Variants in RPL30 observed in about 807,000 individuals in gnomAD.
RPL30 encodes the protein ribosomal protein L30, also known as large ribosomal subunit protein eL30.
For missense variants in RPL30, 60 were observed against 138.0 expected (o/e 0.43, Z 2.83); for synonymous variants, 40 against 50.4 (o/e 0.79, Z 0.87).
rs1239593188 is a variant in RPL30, at chr8:98,045,237, C to G, written c.21+110G>C. ...GGCCACTGGGATTCCTTCTGGGGCC[C>G]TCCAAATGCCAGCAGGCATGCTGTC... On this transcript the variant is annotated intron_variant, in intron 2 of 4. Coordinates refer to ENST00000287038, the MANE Select transcript of RPL30 (RefSeq NM_000989.4). The G allele has an allele frequency of 4.5e-6, 7 of 1,567,018 alleles. No homozygotes were observed. The South Asian group carries it at 5.6e-5, about 13-fold the overall frequency.
intron 3 of RPL30, chr8:98,044,573 T>C (rs1048415710): frequency 1.6e-5 from 3 of 187,282 alleles, no homozygotes; most frequent in Non-Finnish European, 3.3e-5. Context: ...ACCTAGTTTT[T>C]TGACACTAAA....
chr8:98,045,318 G>A (rs1814456364), intron 2 of RPL30, 29 bp downstream of exon 2: 12 of 1,614,026 alleles, frequency 7.4e-6, no homozygotes, highest in Non-Finnish European at 1.0e-5. Context: ...CACGTGAATC[G>A]TCTTCCGGGC....
At chr8:98,044,556 T>G (rs894588522) in intron 3 of RPL30, 2 of 179,726 alleles carry the variant, frequency 1.1e-5, no homozygotes, top group African/African-American at 4.7e-5. Context: ...CAGCCTCAAC[T>G]TTTCTTACCT....
chr8:98,044,444 T>TA (rs1328264659), intron 3 of RPL30: 1 of 155,030 alleles, frequency 6.5e-6, no homozygotes, highest in Non-Finnish European at 1.4e-5. Context: ...CAACACCCCC[T>TA]AAGTTCAATT....
At chr8:98,042,883 G>A in intron 3 of RPL30, 108 bp from the exon 4 acceptor site, 2 of 1,034,912 alleles carry the variant, frequency 1.9e-6, no homozygotes, top group East Asian at 2.6e-5. Flanking sequence ...CCTTCAAAAA[G>A]TAACAAAATC....
In RPL30 at chr8:98,045,535, A is replaced by G; in HGVS notation, c.-60T>C. 1.5e-6 allele frequency: 1 copy of G among 660,860 alleles called. No individual in the cohort carries two copies. 40.9% of individuals were successfully genotyped at this position (660,860 alleles called of 1,614,324 possible). A position where few individuals can be genotyped will look rare whatever the true frequency, so the allele number is the denominator to read the frequency against. ...ACAGCAGCCGCTAAGATGGCCGGGGAACGAGAAAGGAAAGACTTCCCACAA... is the reference window on the plus strand; with the variant it reads ...ACAGCAGCCGCTAAGATGGCCGGGGGACGAGAAAGGAAAGACTTCCCACAA... On this transcript the variant is annotated 5_prime_UTR_variant, in exon 1 of 5. Coordinates refer to ENST00000287038, the MANE Select transcript of RPL30 (RefSeq NM_000989.4).
intron 4 of RPL30, chr8:98,042,275 CTTTT>C: frequency 2.2e-6 from 1 of 455,538 alleles, no homozygotes; most frequent in South Asian, 1.8e-5. Context: ...TTTTTTGGCA[CTTTT>C]TTTTTTCTCA....
chr8:98,045,119 G>A (rs781218949), intron 2 of RPL30, 31 bp from the exon 3 acceptor site: 4 of 1,600,442 alleles, frequency 2.5e-6, no homozygotes, highest in Admixed American at 3.5e-5. Flanking sequence ...ACGGACCTAA[G>A]GGCCTCGCCT....
At chr8:98,043,688 A>C (rs1234279326) in intron 3 of RPL30, 3 of 151,908 alleles carry the variant, frequency 2.0e-5, no homozygotes, top group Non-Finnish European at 1.5e-5. Context: ...GTCTCTACTA[A>C]AAATACAAAA....
intron 2 of RPL30, 122 bp downstream of exon 2, chr8:98,045,225 C>T: frequency 6.5e-7 from 1 of 1,538,168 alleles, no homozygotes; most frequent in Non-Finnish European, 8.9e-7. Flanking sequence ...CACTGGGATT[C>T]CTTCTGGGGC....
At chr8:98,045,135 C>T in intron 2 of RPL30, 47 bp from the exon 3 acceptor site, 6 of 1,592,278 alleles carry the variant, frequency 3.8e-6, no homozygotes, top group Non-Finnish European at 5.1e-6. Context: ...CGCCTGCAAC[C>T]GCCTCAAAAC....
intron 4 of RPL30, 23 bp from the exon 5 acceptor site, chr8:98,041,873 C>A (rs367653698): frequency 2.0e-5 from 30 of 1,531,194 alleles, no homozygotes; most frequent in Admixed American, 3.5e-5. Context: ...AATAAAAAAA[C>A]AGTAATTTTA....
At chr8:98,045,116 TA>T in intron 2 of RPL30, 28 bp from the exon 3 acceptor site, 1 of 1,604,200 alleles carries the variant, frequency 6.2e-7, no homozygotes, top group Non-Finnish European at 8.5e-7. Flanking sequence ...AATACGGACC[TA>T]AGGGCCTCGC....
chr8:98,042,262 A>G (rs374987434), intron 4 of RPL30: 2 of 511,136 alleles, frequency 3.9e-6, no homozygotes, highest in Non-Finnish European at 7.5e-6. Flanking sequence ...AGAATGATGT[A>G]GATTTTTTGG....
intron 2 of RPL30, 31 bp downstream of exon 2, chr8:98,045,316 T>C (rs371636770): frequency 2.0e-5 from 32 of 1,613,870 alleles, no homozygotes; most frequent in Non-Finnish European, 2.7e-5. Context: ...TCCACGTGAA[T>C]CGTCTTCCGG....
intron 1 of RPL30, 23 bp from the exon 2 acceptor site, chr8:98,045,422 C>T: frequency 6.2e-7 from 1 of 1,610,990 alleles, no homozygotes; most frequent in Non-Finnish European, 8.5e-7. Context: ...GAGAACAGGA[C>T]AGGAATTTTA....
At chr8:98,042,126 A>C in intron 4 of RPL30, 1 of 630,754 alleles carries the variant, frequency 1.6e-6, no homozygotes, top group Non-Finnish European at 3.0e-6. Context: ...TAGGGAAAGA[A>C]CTAGGTTTGG....
At position 98,041,853 on chromosome 8, in the gene RPL30, A is replaced by G. The variant is rs878968544; in HGVS notation, c.299-3T>C. 1.9e-6 allele frequency: 3 copies of G among 1,581,696 alleles called. No homozygotes were observed. In the African/African-American group the frequency reaches 4.1e-5, roughly 21 times the overall value. ...GCTTCTAATGATGTCAGAGTCACCTAAAAAATAAAAATAAAAAAACAGTAA... is the reference window on the plus strand; with the variant it reads ...GCTTCTAATGATGTCAGAGTCACCTGAAAAATAAAAATAAAAAAACAGTAA... On this transcript the variant is annotated splice_polypyrimidine_tract_variant and splice_region_variant and intron_variant, in intron 4 of 4. Transcript: ENST00000287038.
At position 98,041,859 on chromosome 8, in the gene RPL30, TAAA is replaced by T. The variant is rs1356044932; in HGVS notation, c.299-12_299-10del. ...AATGATGTCAGAGTCACCTAAAAAA[TAAA>T]AATAAAAAAACAGTAATTTTACAAT... is the stretch of plus-strand genomic sequence containing the variant. On this transcript the variant is annotated splice_polypyrimidine_tract_variant and intron_variant, in intron 4 of 4. Coordinates refer to ENST00000287038, the MANE Select transcript of RPL30 (RefSeq NM_000989.4). 6.4e-7 allele frequency: 1 copy of T among 1,571,728 alleles called. No homozygotes were observed. Among genetic ancestry groups the T allele is most frequent in the Admixed American group, 1.8e-5 (1 of 56,764 alleles).
Sources: allele counts gnomAD v4.1 joint callset, GRCh38; gene constraint gnomAD v4.1.1; transcripts MANE v1.5; gene names NCBI Gene and HGNC (gene_info 2026-07-23, HGNC 2026-07-21).